TSNARE1: variants seen among roughly 807,000 people sequenced by gnomAD.
The protein encoded by TSNARE1 is t-SNARE domain containing 1.
TSNARE1 carries 49 observed loss-of-function variants against 62.0 expected under a neutral mutation model. The observed-to-expected ratio is 0.79, with a 90% CI of 0.63 to 1.00. The LOEUF (loss-of-function observed/expected upper bound fraction) is 1.00. Ranked by LOEUF, TSNARE1 falls within the 50% of genes least tolerant of loss-of-function variation. The pLI is 0.00. For missense variants in TSNARE1, 755 were observed against 700.1 expected, an observed-to-expected ratio of 1.08 and a Z score of -0.88; for synonymous variants, 328 against 294.4, an observed-to-expected ratio of 1.11 and a Z score of -1.17.
At position 142,327,768 on chromosome 8, in the gene TSNARE1, G is replaced by A. The variant is rs561942155; in HGVS notation, c.893+3133C>T. On this transcript the variant is annotated intron_variant, in intron 6 of 13. Transcript: ENST00000524325. ...CGAGGGCCCACGGTGCTCAACAATC[G>A]TCATCCAAGGCTCCTTGAGCCCTTC... Among the ~76,000 whole-genome samples, 5 of 152,314 alleles carry A rather than the reference G, an allele frequency of 3.3e-5. No individual in the cohort carries two copies. In the South Asian group the frequency reaches 1.0e-3, roughly 32 times the overall value.
chr8:142,397,805 C>T (rs1291451891), intron 1 of TSNARE1, among the ~76,000 whole-genome samples: 1 of 152,120 alleles, frequency 6.6e-6, no homozygotes. Flanking sequence ...ACCAATCCAT[C>T]GAGGGGGCCC....
At chr8:142,381,233 C>A (rs1332893820) in intron 1 of TSNARE1, among the ~76,000 whole-genome samples, 1 of 152,240 alleles carries the variant, frequency 6.6e-6, no homozygotes, top group African/African-American at 2.4e-5. Flanking sequence ...CAGCATCCAC[C>A]CAGCCCAGGT....
intron 13 of TSNARE1, among the ~76,000 whole-genome samples, chr8:142,215,148 G>C (rs773004196): frequency 6.6e-6 from 1 of 152,220 alleles, no homozygotes; most frequent in Non-Finnish European, 1.5e-5. Context: ...CACCATGAAT[G>C]CGTATTGATC....
intron 1 of TSNARE1, among the ~76,000 whole-genome samples, chr8:142,395,721 C>T (rs1837849341): frequency 1.3e-5 from 2 of 152,206 alleles, no homozygotes; most frequent in South Asian, 2.1e-4. Flanking sequence ...TGCGCCCACT[C>T]CCAGCACACC....
intron 12 of TSNARE1, among the ~76,000 whole-genome samples, chr8:142,256,584 C>CACTAT (rs1818595272): frequency 1.4e-5 from 2 of 146,818 alleles, no homozygotes; most frequent in Non-Finnish European, 3.0e-5. Flanking sequence ...ATCATCACCA[C>CACTAT]CATCACCATC....
intron 12 of TSNARE1, among the ~76,000 whole-genome samples, chr8:142,246,530 G>A (rs1456625215): frequency 6.6e-6 from 1 of 152,168 alleles, no homozygotes; most frequent in African/African-American, 2.4e-5. Flanking sequence ...CCCTGGAGGA[G>A]GAGGCAGCCT....
intron 1 of TSNARE1, among the ~76,000 whole-genome samples, chr8:142,398,026 C>A (rs1035281851): frequency 2.0e-5 from 3 of 152,164 alleles, no homozygotes; most frequent in Non-Finnish European, 2.9e-5. Flanking sequence ...TCCCAAGACC[C>A]TCACAGGCTG....
intron 11 of TSNARE1, chr8:142,278,640 C>T (rs1287749227): frequency 6.1e-6 from 6 of 985,352 alleles, no homozygotes; most frequent in African/African-American, 1.7e-5. Context: ...CCAGCGTCAC[C>T]CTTGGAGCCA....
rs1027823951 is a variant in TSNARE1 at position 142,288,220 on chromosome 8, G to A, written c.1291-3735C>T. ...GCCTGGGACGCCCAGCGGCTGGGGC[G>A]GGGTGGAAGAGGGGCAGCTGCGAGT... On this transcript the variant is annotated intron_variant, in intron 10 of 13. Coordinates refer to ENST00000524325, the MANE Select transcript of TSNARE1 (RefSeq NM_145003.5). Among the ~76,000 whole-genome samples the A allele has an allele frequency of 6.6e-5, 10 of 152,318 alleles. 1 individual carries two copies. In the Middle Eastern group the frequency reaches 0.01, roughly 155 times the overall value.
chr8:142,359,680 C>T (rs771966048), intron 1 of TSNARE1, among the ~76,000 whole-genome samples: 12 of 152,222 alleles, frequency 7.9e-5, no homozygotes, highest in Non-Finnish European at 1.8e-4. Context: ...CCTGCACCTG[C>T]TCAGCAGGCA....
At chr8:142,222,504 C>T (rs200672951) in intron 13 of TSNARE1, among the ~76,000 whole-genome samples, 18,192 of 34,444 alleles carry the variant, frequency 0.53, 4,303 homozygotes, top group Non-Finnish European at 0.57. Flanking sequence ...ACTCACTCAT[C>T]CACTCACTCA....
intron 9 of TSNARE1, among the ~76,000 whole-genome samples, chr8:142,310,607 C>A (rs530922250): frequency 1.3e-5 from 2 of 151,758 alleles, no homozygotes; most frequent in African/African-American, 4.9e-5. Flanking sequence ...CAAGGTGCAG[C>A]TGGAGATTAG....
rs74788062 is a variant in TSNARE1, at chr8:142,383,119, T to C, written c.-40+19985A>G. Among the ~76,000 whole-genome samples, 1,406 of 152,278 alleles carry C rather than the reference T, an allele frequency of 9.2e-3. 42 individuals are homozygous for C. The highest frequency in any genetic ancestry group is 0.053 in the Admixed American group (812 of 15,302). The stretch of plus-strand genomic sequence containing the variant: ...CCTGGGACCAAGAAGAGCCCCGTCA[T>C]GCAGGTGGTTTTCCTACAGGCAGCC... On this transcript the variant is annotated intron_variant, in intron 1 of 13. Transcript: ENST00000524325.
chr8:142,365,536 G>A (rs1835470791), intron 1 of TSNARE1, among the ~76,000 whole-genome samples: 2 of 151,794 alleles, frequency 1.3e-5, no homozygotes, highest in Non-Finnish European at 2.9e-5. Flanking sequence ...GGGGATCAAG[G>A]AGCATCACAT....
At chr8:142,341,490 G>A (rs959971913) in intron 4 of TSNARE1, among the ~76,000 whole-genome samples, 3 of 152,160 alleles carry the variant, frequency 2.0e-5, no homozygotes, top group Admixed American at 2.0e-4. Flanking sequence ...CCGGCAAGGG[G>A]CCCCGGGGCC....
chr8:142,388,550 C>CTTTTTTTT (rs71313221), intron 1 of TSNARE1, among the ~76,000 whole-genome samples: 5 of 67,410 alleles, frequency 7.4e-5, no homozygotes, highest in Non-Finnish European at 1.0e-4. Flanking sequence ...AAAACAAAAT[C>CTTTTTTTT]TTTTTTTTTT....
At chr8:142,346,946 T>C (rs1833453407) in intron 2 of TSNARE1, among the ~76,000 whole-genome samples, 1 of 152,092 alleles carries the variant, frequency 6.6e-6, no homozygotes, top group Admixed American at 6.5e-5. Context: ...CCCCACGAGG[T>C]GGGCGAGGGC....
chr8:142,271,551 G>C, intron 12 of TSNARE1: 3 of 1,387,804 alleles, frequency 2.2e-6, no homozygotes, highest in Non-Finnish European at 2.8e-6. Flanking sequence ...GTGGAGGCTG[G>C]GGAAGCAGGT....
intron 1 of TSNARE1, among the ~76,000 whole-genome samples, chr8:142,357,634 G>A (rs190939634): frequency 1.3e-5 from 2 of 152,302 alleles, no homozygotes; most frequent in Admixed American, 1.3e-4. Context: ...GAAGGCACAC[G>A]GACAGTGCTT....
Sources: gnomAD v4.1 joint callset for allele counts (sites outside exome capture counted in the v4.1 genomes callset) on GRCh38, gnomAD v4.1.1 for gene constraint, MANE v1.5 for transcripts, NCBI Gene and HGNC (gene_info 2026-07-23, HGNC 2026-07-21) for gene names.